The following SEC14L2 variants were observed in gnomAD, a reference collection of about 807,000 sequenced individuals.
The protein encoded by SEC14L2 is SEC14 like lipid binding 2.
Under a neutral mutation model 56.9 loss-of-function variants are expected in SEC14L2, and 50 were observed. That is an observed-to-expected ratio of 0.88 (90% CI 0.70 to 1.11). The LOEUF (loss-of-function observed/expected upper bound fraction) is 1.11. SEC14L2 is among the 50% of genes most tolerant of loss of function. The pLI is 0.00. For synonymous variants in SEC14L2, 179 were observed against 188.5 expected (o/e 0.95, Z 0.41); for missense variants, 414 against 500.7 (o/e 0.83, Z 1.65).
Position 30,407,576 on chromosome 22 carries a change from G to A in SEC14L2, c.396G>A (p.Leu132=), listed in dbSNP as rs772833594. 28 of 1,614,056 alleles carry A rather than the reference G, an allele frequency of 1.7e-5. No individual in the cohort carries two copies. The highest frequency in any genetic ancestry group is 3.3e-4 in the Middle Eastern group (2 of 6,062). The change falls in exon 5 of 12, where the codon CTG becomes CTA. Residue 132 remains leucine, a synonymous_variant. Transcript: ENST00000615189. ...AGATGCGGGAGTGTGAGCTGCTTCT[G>A]CAAGAGTGTGCCCACCAGACCACAA... ...RTKMRECELL[L]QECAHQTTKL...
Position 30,416,174 on chromosome 22 carries a change from G to A in SEC14L2, c.912-60G>A. 1.9e-6 allele frequency: 3 copies of A among 1,608,752 alleles called. No homozygotes were observed. In the South Asian group the frequency reaches 3.3e-5, roughly 18 times the overall value. ...TGGAATAGGAGAAGCCCTGGTGCCA[G>A]GACCCCGGAGAGGGCACACACAGAC... On this transcript the variant is annotated intron_variant, in intron 10 of 11. Coordinates refer to ENST00000615189, the MANE Select transcript of SEC14L2 (RefSeq NM_012429.5).
In SEC14L2 at chr22:30,415,961, G is replaced by A; in HGVS notation, c.785G>A (p.Gly262Asp). Residue 262 changes from glycine (G) to aspartate (D), a missense_variant, in exon 10 of 12, where the codon GGT becomes GAT. By Grantham distance (94) the Gly-to-Asp change is moderately conservative. Coordinates refer to ENST00000615189, the MANE Select transcript of SEC14L2 (RefSeq NM_012429.5). ...PKCKSKINYG[G>D]DIPRKYYVRD... ...CCATGCTTCTAGATCAACTACGGGG[G>A]TGACATCCCCAGGAAGTATTATGTG... 1 of 1,614,176 alleles carries A rather than the reference G, an allele frequency of 6.2e-7. No individual in the cohort carries two copies. Among genetic ancestry groups the A allele is most frequent in the Non-Finnish European group, 8.5e-7 (1 of 1,180,026 alleles).
In SEC14L2 at chr22:30,424,616, G is replaced by A; in HGVS notation, c.*2209G>A. 2 of 438,408 alleles carry A rather than the reference G, an allele frequency of 4.6e-6. No homozygotes were observed. The highest frequency in any genetic ancestry group is 9.1e-6 in the Non-Finnish European group (2 of 218,926). 27.2% of individuals were successfully genotyped at this position (438,408 alleles called of 1,614,324 possible). ...AATAAGCCGTGCAAAGCGCTTAAGAGCTTGGTATAAGTAAGTGCTCGTCAA... is the reference window on the plus strand; with the variant it reads ...AATAAGCCGTGCAAAGCGCTTAAGAACTTGGTATAAGTAAGTGCTCGTCAA... On this transcript the variant is annotated 3_prime_UTR_variant, in exon 12 of 12. Coordinates refer to ENST00000615189, the MANE Select transcript of SEC14L2 (RefSeq NM_012429.5).
At position 30,407,599 on chromosome 22, in the gene SEC14L2, C is replaced by T; in HGVS notation, c.419C>T (p.Thr140Ile). The change falls in exon 5 of 12, where the codon ACA becomes ATA. Residue 140 changes from threonine (T) to isoleucine (I), a missense_variant. Physicochemically the swap from Thr to Ile is moderately conservative, Grantham distance 89. Coordinates refer to ENST00000615189, the MANE Select transcript of SEC14L2 (RefSeq NM_012429.5). ...LLLQECAHQT[T>I]KLGRKVETIT... Reference sequence around the variant, plus strand: ...CTGCAAGAGTGTGCCCACCAGACCACAAAGGTGAGTGGACCACCATGGCTA... The same window carrying T: ...CTGCAAGAGTGTGCCCACCAGACCATAAAGGTGAGTGGACCACCATGGCTA... 2 of 1,612,638 alleles carry T rather than the reference C, an allele frequency of 1.2e-6. No homozygotes were observed. The highest frequency in any genetic ancestry group is 1.7e-6 in the Non-Finnish European group (2 of 1,179,138).
At chr22:30,410,800 G>A in intron 8 of SEC14L2, 121 bp downstream of exon 8, 1 of 891,108 alleles carries the variant, frequency 1.1e-6, no homozygotes, top group Non-Finnish European at 1.8e-6. Context: ...TGGGAGCAGT[G>A]GGACCCAGGA....
rs1346573669 is a variant in SEC14L2, at chr22:30,410,596, C to T, written c.581C>T (p.Ala194Val). 4 of 1,613,810 alleles carry T rather than the reference C, an allele frequency of 2.5e-6. No individual in the cohort carries two copies. In the South Asian group the frequency reaches 3.3e-5, roughly 13 times the overall value. Reference sequence around the variant, plus strand: ...TCACATTATCTGGTCTCTGTTCCAGCCCCCAAACTGTTTCCTGTGGCCTAT... The same window carrying T: ...TCACATTATCTGGTCTCTGTTCCAGTCCCCAAACTGTTTCCTGTGGCCTAT... ...ETLKRLFVVK[A>V]PKLFPVAYNL... Residue 194 changes from alanine (A) to valine (V), a missense_variant and splice_region_variant, in exon 8 of 12, where the codon GCC (alanine) becomes GTC (valine). Transcript: ENST00000615189.
Position 30,397,134 on chromosome 22 carries a change from C to G in SEC14L2, c.18C>G (p.Gly6=). 6.5e-7 allele frequency: 1 copy of G among 1,547,502 alleles called. No homozygotes were observed. Among genetic ancestry groups the G allele is most frequent in the East Asian group, 2.5e-5 (1 of 40,358 alleles). Residue 6 remains glycine, a synonymous_variant, in exon 1 of 12, where the codon GGC becomes GGG. Coordinates refer to ENST00000615189, the MANE Select transcript of SEC14L2 (RefSeq NM_012429.5). ...GAGCCACGATGAGCGGCAGAGTCGG[C>G]GATCTGAGCCCCAGGCAGAAGGAGG... MSGRV[G]DLSPRQKEAL...
At chr22:30,403,875 C>T (rs376074408) in intron 2 of SEC14L2, among the ~76,000 whole-genome samples, 2 of 151,444 alleles carry the variant, frequency 1.3e-5, no homozygotes, top group African/African-American at 4.8e-5. Flanking sequence ...CGGTGGCGGG[C>T]GCCTGTAGTC....
intron 8 of SEC14L2, 89 bp from the exon 9 acceptor site, chr22:30,415,670 C>A: frequency 8.7e-7 from 1 of 1,147,748 alleles, no homozygotes; most frequent in African/African-American, 1.5e-5. Flanking sequence ...TGGGTTTTTT[C>A]TGCCTCTTTA....
Position 30,409,484 on chromosome 22 carries a change from A to C in SEC14L2, c.578A>C (p.Lys193Thr). 6.2e-7 allele frequency: 1 copy of C among 1,614,060 alleles called. No homozygotes were observed. The highest frequency in any genetic ancestry group is 1.3e-5 in the African/African-American group (1 of 75,040). Residue 193 changes from lysine to threonine, a missense_variant and splice_region_variant, in exon 7 of 12, where the codon AAA becomes ACA. Physicochemically the swap from Lys to Thr is moderately conservative, Grantham distance 78. Transcript: ENST00000615189. ...ACACTGAAGCGTCTTTTTGTTGTTA[A>C]AGGTAAGTTGGGAATTTCTTGTGAT... ...PETLKRLFVVKAPKLFPVAYN... is the reference protein window; with the variant it reads ...PETLKRLFVVTAPKLFPVAYN...
At chr22:30,410,781 C>A in intron 8 of SEC14L2, 102 bp downstream of exon 8, 1 of 1,123,712 alleles carries the variant, frequency 8.9e-7, no homozygotes, top group Admixed American at 1.8e-5. Flanking sequence ...AAAGCTCCCT[C>A]TGCTAGTTTG....
chr22:30,402,687 T>C (rs1374986823), intron 2 of SEC14L2, among the ~76,000 whole-genome samples: 2 of 151,864 alleles, frequency 1.3e-5, no homozygotes, highest in Non-Finnish European at 2.9e-5. Flanking sequence ...GTGCCTCACA[T>C]TTCCTGGGCA....
At chr22:30,414,006 T>A (rs1934322673) in intron 8 of SEC14L2, among the ~76,000 whole-genome samples, 1 of 152,062 alleles carries the variant, frequency 6.6e-6, no homozygotes, top group Non-Finnish European at 1.5e-5. Flanking sequence ...TAAATTTTTA[T>A]TTTTGGTAGA....
intron 11 of SEC14L2, among the ~76,000 whole-genome samples, chr22:30,418,537 G>T (rs1733970620): frequency 6.6e-6 from 1 of 152,156 alleles, no homozygotes; most frequent in Non-Finnish European, 1.5e-5. Context: ...ACATAATCAG[G>T]CTTGGGCTTG....
Position 30,422,600 on chromosome 22 carries a change from GT to G in SEC14L2, c.*194del. The G allele has an allele frequency of 1.7e-6, 1 of 605,776 alleles. No homozygotes were observed. 37.5% of individuals were successfully genotyped at this position (605,776 alleles called of 1,614,324 possible). On this transcript the variant is annotated 3_prime_UTR_variant, in exon 12 of 12. Coordinates refer to ENST00000615189, the MANE Select transcript of SEC14L2 (RefSeq NM_012429.5). ...TCCGTGTCTATCAAATACCTAAGGA[GT>G]CCCCAGGAGCTGGCTGGCCATCGTG...
chr22:30,400,006 C>T (rs952280273), intron 2 of SEC14L2, among the ~76,000 whole-genome samples: 1 of 152,356 alleles, frequency 6.6e-6, no homozygotes, highest in Non-Finnish European at 1.5e-5. Context: ...TTTCCATCTA[C>T]TCAAGAAATC....
chr22:30,406,603 A>C lies in SEC14L2; in HGVS notation c.174+218A>C, dbSNP rs1019172205. On this transcript the variant is annotated intron_variant, in intron 3 of 11. Coordinates refer to ENST00000615189, the MANE Select transcript of SEC14L2 (RefSeq NM_012429.5). ...CCAAGAATGATAATCTGTTCTGCTA[A>C]GACCTCTAAAACAGGCAGGGCCTTC... 2.0e-5 allele frequency among the ~76,000 whole-genome samples: 3 copies of C among 152,276 alleles called. No homozygotes were observed. In the East Asian group the frequency reaches 5.8e-4, roughly 29 times the overall value.
chr22:30,409,419 T>G lies in SEC14L2; in HGVS notation c.520-7T>G. 1 of 1,614,128 alleles carries G rather than the reference T, an allele frequency of 6.2e-7. No homozygotes were observed. Among genetic ancestry groups the G allele is most frequent in the East Asian group, 2.2e-5 (1 of 44,884 alleles). On this transcript the variant is annotated splice_region_variant and splice_polypyrimidine_tract_variant and intron_variant, in intron 6 of 11. Transcript: ENST00000615189. The stretch of plus-strand genomic sequence containing the variant: ...TGCTGGAATCAAGAGTGATTTTGTT[T>G]CCACAGTTTCTCTGCATGTTTGAGG...
At chr22:30,414,915 T>C (rs1934346994) in intron 8 of SEC14L2, among the ~76,000 whole-genome samples, 1 of 152,088 alleles carries the variant, frequency 6.6e-6, no homozygotes, top group African/African-American at 2.4e-5. Context: ...GACTTAGCTG[T>C]AGGGGAAGGT....
Sources: gnomAD v4.1 joint callset for allele counts (sites outside exome capture counted in the v4.1 genomes callset) on GRCh38, gnomAD v4.1.1 for gene constraint, MANE v1.5 for transcripts, NCBI Gene and HGNC (gene_info 2026-07-23, HGNC 2026-07-21) for gene names.